MBD5: variants seen among roughly 807,000 people sequenced by gnomAD.
The protein encoded by MBD5 is methyl-CpG binding domain protein 5, also known as methyl-CpG-binding domain protein 5.
Under a neutral mutation model 117.3 loss-of-function variants are expected in MBD5, and 13 were observed. The observed-to-expected ratio is 0.11, with a 90% CI of 0.07 to 0.18. The LOEUF is 0.18. Ranked by LOEUF, MBD5 falls within the 10% of genes least tolerant of loss-of-function variation. MBD5 has a pLI of 1.00. For synonymous variants in MBD5, 727 were observed against 766.4 expected, an observed-to-expected ratio of 0.95 and a Z score of 0.85; for missense variants, 1,879 against 2,093.8, an observed-to-expected ratio of 0.90 and a Z score of 2.00.
At chr2:148,476,393 A>C (rs577671453) in intron 8 of MBD5, among the ~76,000 whole-genome samples, 1 of 152,308 alleles carries the variant, frequency 6.6e-6, no homozygotes, top group East Asian at 1.9e-4. Context: ...TGAAACAAAT[A>C]CTTATTACAT....
chr2:148,053,420 T>C (rs1048595084), intron 1 of MBD5, among the ~76,000 whole-genome samples: 4 of 152,066 alleles, frequency 2.6e-5, no homozygotes, highest in African/African-American at 9.7e-5. Flanking sequence ...AAAATAAATA[T>C]CTATGAACCT....
At chr2:148,484,363 A>G (rs1420308572) in intron 9 of MBD5, among the ~76,000 whole-genome samples, 1 of 152,192 alleles carries the variant, frequency 6.6e-6, no homozygotes, top group Non-Finnish European at 1.5e-5. Context: ...TATCATTTTA[A>G]TCTGCTTTCT....
chr2:148,412,272 T>TGTGTGTG (rs1705276880), intron 4 of MBD5, among the ~76,000 whole-genome samples: 2 of 144,584 alleles, frequency 1.4e-5, no homozygotes, highest in Middle Eastern at 7.0e-3. Flanking sequence ...AGTATACTTT[T>TGTGTGTG]TGTGTGTGTG....
At chr2:148,360,585 G>A (rs990784947) in intron 4 of MBD5, among the ~76,000 whole-genome samples, 3 of 152,030 alleles carry the variant, frequency 2.0e-5, no homozygotes, top group Non-Finnish European at 4.4e-5. Context: ...ATTTTCTGGT[G>A]GCTATACAGA....
At chr2:148,299,158 T>G (rs1701724076) in intron 3 of MBD5, among the ~76,000 whole-genome samples, 1 of 151,944 alleles carries the variant, frequency 6.6e-6, no homozygotes, top group African/African-American at 2.4e-5. Flanking sequence ...AAACAGAGTC[T>G]AGCTCTGTCG....
intron 1 of MBD5, among the ~76,000 whole-genome samples, chr2:148,143,072 G>T (rs142738671): frequency 8.2e-4 from 125 of 152,284 alleles, no homozygotes; most frequent in Non-Finnish European, 5.3e-4. Context: ...CTTTATATAT[G>T]ATGAGAAGTC....
chr2:148,253,885 G>A (rs1178661270), intron 3 of MBD5, among the ~76,000 whole-genome samples: 3 of 152,216 alleles, frequency 2.0e-5, no homozygotes, highest in South Asian at 2.1e-4. Flanking sequence ...TTACATAAAT[G>A]TGCGGGGTTG....
At chr2:148,342,806 T>C (rs1702981917) in intron 4 of MBD5, among the ~76,000 whole-genome samples, 2 of 152,000 alleles carry the variant, frequency 1.3e-5, no homozygotes, top group South Asian at 2.1e-4. Flanking sequence ...AGGGGGTACA[T>C]GTGCAGATTT....
intron 2 of MBD5, among the ~76,000 whole-genome samples, chr2:148,179,234 A>G (rs1263895979): frequency 6.6e-6 from 1 of 151,932 alleles, no homozygotes; most frequent in Non-Finnish European, 1.5e-5. Context: ...AGGCGCGTGT[A>G]GTCCCAGCTA....
chr2:148,247,303 T>C (rs1220900466), intron 3 of MBD5, among the ~76,000 whole-genome samples: 1 of 152,212 alleles, frequency 6.6e-6, no homozygotes, highest in Non-Finnish European at 1.5e-5. Context: ...AAAGAGCCTC[T>C]GTCCTTGTTT....
chr2:148,146,429 A>G (rs576124756), intron 1 of MBD5, among the ~76,000 whole-genome samples: 1 of 152,022 alleles, frequency 6.6e-6, no homozygotes, highest in Non-Finnish European at 1.5e-5. Flanking sequence ...TAGAGATTAT[A>G]TCTCCCTGTG....
At chr2:148,248,184 C>T (rs1470682159) in intron 3 of MBD5, among the ~76,000 whole-genome samples, 2 of 152,094 alleles carry the variant, frequency 1.3e-5, no homozygotes, top group African/African-American at 4.8e-5. Context: ...TACGGACGTC[C>T]AAATATCTAC....
At chr2:148,317,448 A>G (rs563427828) in intron 3 of MBD5, among the ~76,000 whole-genome samples, 2 of 152,186 alleles carry the variant, frequency 1.3e-5, no homozygotes, top group Non-Finnish European at 2.9e-5. Flanking sequence ...CAAAGTAATT[A>G]TTTTTAAAAA....
At chr2:148,399,398 T>G (rs1458173962) in intron 4 of MBD5, among the ~76,000 whole-genome samples, 1 of 152,036 alleles carries the variant, frequency 6.6e-6, no homozygotes, top group African/African-American at 2.4e-5. Flanking sequence ...CCTAGGTATT[T>G]TATTCTCTTT....
chr2:148,259,956 C>G (rs371477334), intron 3 of MBD5, among the ~76,000 whole-genome samples: 2 of 152,142 alleles, frequency 1.3e-5, no homozygotes, highest in African/African-American at 2.4e-5. Flanking sequence ...ATCACCTGAG[C>G]CTTCAGCAAA....
At chr2:148,298,288 T>A (rs1483925919) in intron 3 of MBD5, among the ~76,000 whole-genome samples, 1 of 152,194 alleles carries the variant, frequency 6.6e-6, no homozygotes, top group Non-Finnish European at 1.5e-5. Context: ...ATAGCTTGCC[T>A]TCTGTGGAAG....
intron 4 of MBD5, among the ~76,000 whole-genome samples, chr2:148,381,326 A>G (rs1704136770): frequency 6.6e-6 from 1 of 152,250 alleles, no homozygotes; most frequent in South Asian, 2.1e-4. Flanking sequence ...TGAATGCACA[A>G]GCCTCAGTAA....
At chr2:148,124,790 A>AATTG (rs1696851619) in intron 1 of MBD5, among the ~76,000 whole-genome samples, 1 of 152,048 alleles carries the variant, frequency 6.6e-6, no homozygotes, top group African/African-American at 2.4e-5. Context: ...AGTATCCTAC[A>AATTG]ATTGATGTAT....
At chr2:148,216,600 C>T (rs913964382) in intron 2 of MBD5, among the ~76,000 whole-genome samples, 1 of 152,140 alleles carries the variant, frequency 6.6e-6, no homozygotes, top group South Asian at 2.1e-4. Flanking sequence ...GACAGTGTTG[C>T]TTATTTTTCA....
Sources: gnomAD v4.1 joint callset for allele counts (sites outside exome capture counted in the v4.1 genomes callset) on GRCh38, gnomAD v4.1.1 for gene constraint, MANE v1.5 for transcripts, NCBI Gene and HGNC (gene_info 2026-07-23, HGNC 2026-07-21) for gene names.